Variants in PATL1 observed in about 807,000 individuals in gnomAD.
PATL1 encodes the protein PAT1 homolog 1, processing body mRNA decay factor.
In PATL1, 32 loss-of-function variants were observed where a neutral mutation model predicts 100.6. That is an observed-to-expected ratio of 0.32 (90% CI 0.24 to 0.43). The LOEUF is 0.43. PATL1 is among the 20% of genes least tolerant of loss of function. PATL1 has a pLI of 1.00. For missense variants in PATL1, 747 were observed against 949.9 expected, an observed-to-expected ratio of 0.79 and a Z score of 2.81; for synonymous variants, 332 against 330.0, an observed-to-expected ratio of 1.01 and a Z score of -0.07.
intron 2 of PATL1, among the ~76,000 whole-genome samples, chr11:59,662,898 T>A (rs1018020157): frequency 5.3e-5 from 8 of 152,190 alleles, no homozygotes; most frequent in African/African-American, 1.7e-4. Context: ...GTCGCCATAT[T>A]CTGTGAGAAT....
At chr11:59,668,035 C>G (rs1376921409) in intron 1 of PATL1, among the ~76,000 whole-genome samples, 1 of 152,238 alleles carries the variant, frequency 6.6e-6, no homozygotes, top group African/African-American at 2.4e-5. Context: ...CTTCCAAACT[C>G]ATGCCAATAG....
chr11:59,647,222 C>CAAAAAA (rs1175300355), intron 15 of PATL1, among the ~76,000 whole-genome samples: 2 of 60,474 alleles, frequency 3.3e-5, no homozygotes, highest in African/African-American at 5.8e-5. Context: ...AACTCTGTCT[C>CAAAAAA]AAAAAAAAAA....
chr11:59,664,612 T>C (rs778073656), intron 2 of PATL1, among the ~76,000 whole-genome samples: 2 of 152,224 alleles, frequency 1.3e-5, no homozygotes, highest in Non-Finnish European at 2.9e-5. Flanking sequence ...TCTCGCTCTG[T>C]TACCCAGGCT....
intron 2 of PATL1, among the ~76,000 whole-genome samples, chr11:59,666,534 A>C (rs1178502926): frequency 6.6e-6 from 1 of 152,192 alleles, no homozygotes; most frequent in African/African-American, 2.4e-5. Context: ...TCTAGGATTA[A>C]TTTAAATCTC....
chr11:59,639,537 G>T, intron 16 of PATL1, 154 bp from the exon 17 acceptor site: 1 of 621,052 alleles, frequency 1.6e-6, no homozygotes, highest in Non-Finnish European at 2.8e-6. Context: ...GATCAGACAA[G>T]CATGAGTTGA....
chr11:59,659,491 G>C (rs1565135499), intron 2 of PATL1, 22 bp from the exon 3 acceptor site: 1 of 1,538,794 alleles, frequency 6.5e-7, no homozygotes, highest in South Asian at 1.2e-5. Flanking sequence ...CACAGTTCAT[G>C]TAAGAAATAG....
chr11:59,652,910 CT>C lies in PATL1; in HGVS notation c.1229del (p.Lys410ArgfsTer9). The C allele has an allele frequency of 6.2e-7, 1 of 1,613,954 alleles. No homozygotes were observed. Among genetic ancestry groups the C allele is most frequent in the Non-Finnish European group, 8.5e-7 (1 of 1,179,894 alleles). On this transcript the variant is annotated frameshift_variant, in exon 10 of 19. Transcript: ENST00000300146. LOFTEE classifies it high-confidence loss of function. ...TCATCTGGATTTTAGAGACCCAATCCTTTTCCCGCTGCAACATGAGATTGGC... is the reference window on the plus strand; with the variant it reads ...TCATCTGGATTTTAGAGACCCAATCCTTTCCCGCTGCAACATGAGATTGGC... ...PYANLMLQRE[K>X]DWVSKIQMMQ...
At position 59,661,833 on chromosome 11, in the gene PATL1, C is replaced by T. The variant is rs149009039; in HGVS notation, c.128-2364G>A. On this transcript the variant is annotated intron_variant, in intron 2 of 18. Transcript: ENST00000300146. ...TTTTCATGCATGCACACAGGCATAA[C>T]TACTGATAGTAACTCATTCTTTTTA... 5.4e-4 allele frequency among the ~76,000 whole-genome samples: 83 copies of T among 152,316 alleles called. 2 individuals are homozygous for T. The highest frequency in any genetic ancestry group is 4.3e-3 in the South Asian group (21 of 4,832).
chr11:59,662,553 G>A (rs1324040809), intron 2 of PATL1, among the ~76,000 whole-genome samples: 1 of 152,150 alleles, frequency 6.6e-6, no homozygotes, highest in Non-Finnish European at 1.5e-5. Context: ...AAAGAATAAT[G>A]TAATTAAAAA....
chr11:59,651,839 T>C (rs2134748386), intron 11 of PATL1, among the ~76,000 whole-genome samples, 198 bp from the exon 12 acceptor site: 2 of 150,606 alleles, frequency 1.3e-5, no homozygotes, highest in South Asian at 4.2e-4. Flanking sequence ...CCGAGGGGGG[T>C]AGATCACTTG....
chr11:59,656,981 T>C, intron 5 of PATL1: 1 of 703,998 alleles, frequency 1.4e-6, no homozygotes, highest in Non-Finnish European at 1.7e-6. Context: ...CCCTGTGATA[T>C]GGCCGCCATG....
chr11:59,659,863 A>G (rs1479548930), intron 2 of PATL1, among the ~76,000 whole-genome samples: 1 of 152,192 alleles, frequency 6.6e-6, no homozygotes, highest in Non-Finnish European at 1.5e-5. Flanking sequence ...TGCTAAGCAA[A>G]TGAATAATTC....
chr11:59,668,824 G>A (rs965670191), intron 1 of PATL1, 57 bp downstream of exon 1: 132 of 1,027,410 alleles, frequency 1.3e-4, no homozygotes, highest in Non-Finnish European at 1.6e-4. Flanking sequence ...CGGAGAGAGA[G>A]TGAGGGAGAG....
chr11:59,649,410 T>C (rs929892864), intron 14 of PATL1, 52 bp downstream of exon 14: 3 of 1,590,974 alleles, frequency 1.9e-6, no homozygotes, highest in East Asian at 2.2e-5. Context: ...AATCCAGTTA[T>C]GACAGAGGAA....
chr11:59,640,652 G>A (rs1050541018), intron 16 of PATL1, among the ~76,000 whole-genome samples: 6 of 151,902 alleles, frequency 3.9e-5, no homozygotes, highest in Admixed American at 1.3e-4. Flanking sequence ...CCCAGGAGGC[G>A]GAGCTTGCAG....
intron 16 of PATL1, among the ~76,000 whole-genome samples, chr11:59,641,843 G>C (rs1259991615): frequency 6.6e-6 from 1 of 152,066 alleles, no homozygotes; most frequent in African/African-American, 2.4e-5. Flanking sequence ...TAACAGAAAG[G>C]CACATTCCGG....
At chr11:59,654,824 T>G (rs186458795) in intron 8 of PATL1, among the ~76,000 whole-genome samples, 1 of 152,306 alleles carries the variant, frequency 6.6e-6, no homozygotes, top group East Asian at 1.9e-4. Context: ...TGATTAACAT[T>G]TATAATCAGT....
rs1464152381 is a variant in PATL1, at chr11:59,637,287, C to G, written c.*1103G>C. Reference sequence around the variant, plus strand: ...GGCCCTGCAATTATTCAAACCCAGGCCCCTGGCTGCCTGGGAACGGGACTT... The same window carrying G: ...GGCCCTGCAATTATTCAAACCCAGGGCCCTGGCTGCCTGGGAACGGGACTT... On this transcript the variant is annotated 3_prime_UTR_variant, in exon 19 of 19. Transcript: ENST00000300146. The G allele has an allele frequency of 6.6e-6, 1 of 152,380 alleles. No homozygotes were observed. Among genetic ancestry groups the G allele is most frequent in the African/African-American group, 2.4e-5 (1 of 41,428 alleles). The allele number at this position is 152,380 out of a possible 1,614,324, so 9.4% of individuals were successfully genotyped here. A position where few individuals can be genotyped will look rare whatever the true frequency, so the allele number is the denominator to read the frequency against.
intron 15 of PATL1, among the ~76,000 whole-genome samples, chr11:59,643,685 C>A (rs1382254602): frequency 6.6e-6 from 1 of 152,034 alleles, no homozygotes. Flanking sequence ...GGGTGAGACC[C>A]ACCCTGTCTC....
Sources: gnomAD v4.1 joint callset for allele counts (sites outside exome capture counted in the v4.1 genomes callset) on GRCh38, gnomAD v4.1.1 for gene constraint, MANE v1.5 for transcripts, NCBI Gene and HGNC (gene_info 2026-07-23, HGNC 2026-07-21) for gene names.